Variants in PREX1 observed in about 807,000 individuals in gnomAD.
PREX1 encodes the protein phosphatidylinositol 3,4,5-trisphosphate-dependent Rac exchanger 1 protein.
PREX1 carries 41 observed loss-of-function variants against 198.3 expected under a neutral mutation model. The observed-to-expected ratio is 0.21, with a 90% CI of 0.16 to 0.27. The LOEUF (loss-of-function observed/expected upper bound fraction) is 0.27, where lower values mean the gene tolerates loss of function less well. Among genes scored for constraint, PREX1 ranks in the 10% least tolerant of loss-of-function variants. The pLI is 1.00. For missense variants in PREX1, 1,620 were observed against 2,200.7 expected (o/e 0.74, Z 5.28); for synonymous variants, 843 against 887.2 (o/e 0.95, Z 0.89).
intron 1 of PREX1, among the ~76,000 whole-genome samples, chr20:48,788,011 G>A (rs377473897): frequency 7.9e-5 from 12 of 152,168 alleles, no homozygotes; most frequent in South Asian, 2.1e-4. Context: ...TGCAGATGGC[G>A]GAGGCTTCGA....
intron 29 of PREX1, 117 bp from the exon 30 acceptor site, chr20:48,640,011 G>A: frequency 7.3e-7 from 1 of 1,364,154 alleles, no homozygotes; most frequent in South Asian, 1.4e-5. Context: ...TAGATCAAGG[G>A]AGCTGGCAGG....
At chr20:48,748,301 C>T (rs764639771) in intron 1 of PREX1, among the ~76,000 whole-genome samples, 8 of 152,110 alleles carry the variant, frequency 5.3e-5, no homozygotes, top group Non-Finnish European at 8.8e-5. Context: ...AACACAGTCA[C>T]ATGGCTCAAA....
At chr20:48,668,146 C>CGTGT (rs35147704) in intron 14 of PREX1, among the ~76,000 whole-genome samples, 33 of 151,438 alleles carry the variant, frequency 2.2e-4, no homozygotes, top group Admixed American at 9.2e-4. Context: ...GTGTGTGACA[C>CGTGT]GTGTGTGTGT....
chr20:48,800,012 G>A (rs1281981176), intron 1 of PREX1, among the ~76,000 whole-genome samples: 11 of 152,208 alleles, frequency 7.2e-5, no homozygotes, highest in Non-Finnish European at 1.3e-4. Flanking sequence ...CAGCTGTGGC[G>A]GAGGGGAGAG....
chr20:48,646,770 AG>A (rs1189928222), intron 25 of PREX1, among the ~76,000 whole-genome samples: 1 of 152,184 alleles, frequency 6.6e-6, no homozygotes, highest in Non-Finnish European at 1.5e-5. Flanking sequence ...TCCCCACTGT[AG>A]GGTGTGACGG....
At chr20:48,688,855 G>T (rs2089800911) in intron 9 of PREX1, 51 bp from the exon 10 acceptor site, 1 of 1,608,750 alleles carries the variant, frequency 6.2e-7, no homozygotes, top group Non-Finnish European at 8.5e-7. Context: ...CCAGGGCAGG[G>T]GGGGTAGGGG....
At chr20:48,877,693 T>C in the PREX1 span, among the ~76,000 whole-genome samples, 2 of 152,200 alleles carry the variant, frequency 1.3e-5, no homozygotes, top group Admixed American at 6.5e-5. Context: ...CAATAAAACA[T>C]TTTACATTTG....
At chr20:48,699,788 C>T (rs2089864828) in intron 7 of PREX1, among the ~76,000 whole-genome samples, 1 of 152,234 alleles carries the variant, frequency 6.6e-6, no homozygotes, top group Non-Finnish European at 1.5e-5. Context: ...TTCATCTAGA[C>T]ACATATCTGC....
chr20:48,649,820 C>A (rs1484049327), intron 24 of PREX1, among the ~76,000 whole-genome samples, 176 bp downstream of exon 24: 1 of 152,224 alleles, frequency 6.6e-6, no homozygotes, highest in South Asian at 2.1e-4. Flanking sequence ...CAGCAGATAT[C>A]ATCCACAAGG....
intron 1 of PREX1, among the ~76,000 whole-genome samples, chr20:48,761,162 T>C (rs916770002): frequency 6.6e-6 from 1 of 152,212 alleles, no homozygotes; most frequent in Non-Finnish European, 1.5e-5. Context: ...GGACACAGCA[T>C]CATGGGCAGG....
At chr20:48,776,832 T>C (rs916140047) in intron 1 of PREX1, among the ~76,000 whole-genome samples, 1 of 152,082 alleles carries the variant, frequency 6.6e-6, no homozygotes, top group African/African-American at 2.4e-5. Flanking sequence ...GCTACGTATT[T>C]CTCCTAAGAG....
chr20:48,813,907 C>T (rs1298041614), intron 1 of PREX1, among the ~76,000 whole-genome samples: 1 of 152,198 alleles, frequency 6.6e-6, no homozygotes, highest in African/African-American at 2.4e-5. Flanking sequence ...GCTTTTGATA[C>T]TGACACCTCC....
chr20:48,734,694 C>A, intron 3 of PREX1, 44 bp from the exon 4 acceptor site: 2 of 1,569,484 alleles, frequency 1.3e-6, no homozygotes, highest in Non-Finnish European at 1.8e-6. Flanking sequence ...GTCATGGTAG[C>A]AGGCAGGTGC....
At chr20:48,711,674 G>A (rs948981360) in intron 5 of PREX1, among the ~76,000 whole-genome samples, 4 of 152,222 alleles carry the variant, frequency 2.6e-5, no homozygotes, top group South Asian at 2.1e-4. Flanking sequence ...ATGACAGATT[G>A]TATGGACCCC....
At chr20:48,828,703 C>CT (rs1240054852), upstream of PREX1, among the ~76,000 whole-genome samples, 1 of 152,234 alleles carries the variant, frequency 6.6e-6, no homozygotes, top group African/African-American at 2.4e-5. Flanking sequence ...CCTTCCTTTT[C>CT]TTTCTGAACT....
chr20:48,670,540 A>G (rs1386754057), intron 14 of PREX1, among the ~76,000 whole-genome samples: 2 of 152,184 alleles, frequency 1.3e-5, no homozygotes, highest in Admixed American at 6.5e-5. Flanking sequence ...CCCAAGTGAC[A>G]CAGACCCAGA....
At chr20:48,672,007 C>T (rs1418898690) in intron 14 of PREX1, among the ~76,000 whole-genome samples, 4 of 152,224 alleles carry the variant, frequency 2.6e-5, no homozygotes, top group African/African-American at 9.7e-5. Flanking sequence ...GACAGAGTGA[C>T]AGTGACGCAA....
intron 25 of PREX1, among the ~76,000 whole-genome samples, chr20:48,647,958 T>C (rs1033324122): frequency 6.6e-6 from 1 of 152,170 alleles, no homozygotes; most frequent in Non-Finnish European, 1.5e-5. Context: ...CAGGCTGGAG[T>C]GCAGTGGTGC....
intron 29 of PREX1, among the ~76,000 whole-genome samples, chr20:48,640,116 C>G (rs1264649910): frequency 6.6e-6 from 1 of 152,186 alleles, no homozygotes; most frequent in African/African-American, 2.4e-5. Context: ...AGCACTCCTT[C>G]CTGCTGCTCT....
Sources: gnomAD v4.1 joint callset for allele counts (sites outside exome capture counted in the v4.1 genomes callset) on GRCh38, gnomAD v4.1.1 for gene constraint, MANE v1.5 for transcripts, NCBI Gene and HGNC (gene_info 2026-07-23, HGNC 2026-07-21) for gene names.